The following KLF12 variants were observed in gnomAD, a reference collection of about 807,000 sequenced individuals.
KLF12 encodes the protein KLF transcription factor 12.
A neutral mutation model predicts 37.8 loss-of-function variants in KLF12; 9 were observed. That is an observed-to-expected ratio of 0.24 (90% CI 0.14 to 0.42). The LOEUF (loss-of-function observed/expected upper bound fraction) is 0.42. Ranked by LOEUF, KLF12 falls within the 10% of genes least tolerant of loss-of-function variation. The probability of loss-of-function intolerance (pLI) is 1.00; values close to 1 mark genes in which losing one functional copy is unlikely to be tolerated. For synonymous variants in KLF12, 208 were observed against 202.1 expected, an observed-to-expected ratio of 1.03 and a Z score of -0.25; for missense variants, 411 against 516.0, an observed-to-expected ratio of 0.80 and a Z score of 1.97.
intron 1 of KLF12, among the ~76,000 whole-genome samples, chr13:74,111,915 T>A (rs1467471904): frequency 6.6e-6 from 1 of 152,196 alleles, no homozygotes. Context: ...ATTTCTAAAT[T>A]TGTTCAGTAT....
intron 3 of KLF12, among the ~76,000 whole-genome samples, chr13:73,943,366 T>C (rs1207807460): frequency 4.6e-5 from 7 of 152,236 alleles, no homozygotes; most frequent in African/African-American, 1.7e-4. Flanking sequence ...ATGTTCATTA[T>C]AAAATCTATG....
the KLF12 span, among the ~76,000 whole-genome samples, chr13:74,219,144 C>T: frequency 6.6e-6 from 1 of 151,952 alleles, no homozygotes; most frequent in African/African-American, 2.4e-5. Context: ...TTTGTAGAGA[C>T]AAGGTTTCAC....
the KLF12 span, among the ~76,000 whole-genome samples, chr13:74,178,335 G>T: frequency 5.3e-5 from 8 of 150,136 alleles, no homozygotes; most frequent in Admixed American, 2.0e-4. Context: ...TTGTTTGTTT[G>T]TTTGTTTTGT....
At chr13:73,767,897 C>T (rs2025426) in intron 5 of KLF12, among the ~76,000 whole-genome samples, 74,066 of 151,970 alleles carry the variant, frequency 0.49, 18,869 homozygotes, top group Middle Eastern at 0.6. Flanking sequence ...CATAAACCTA[C>T]CTGAGTGGCA....
At chr13:73,819,197 G>A (rs1883395620) in intron 4 of KLF12, among the ~76,000 whole-genome samples, 1 of 152,100 alleles carries the variant, frequency 6.6e-6, no homozygotes, top group African/African-American at 2.4e-5. Context: ...TCTGACCTTG[G>A]GCAATGATTT....
At chr13:73,918,804 T>C (rs1020069430) in intron 3 of KLF12, among the ~76,000 whole-genome samples, 1 of 152,186 alleles carries the variant, frequency 6.6e-6, no homozygotes. Context: ...CTAACTGCTA[T>C]TGTGAGGTTT....
intron 2 of KLF12, among the ~76,000 whole-genome samples, chr13:73,960,161 T>C (rs1191241312): frequency 6.6e-6 from 1 of 152,128 alleles, no homozygotes; most frequent in Non-Finnish European, 1.5e-5. Context: ...GAGAACTAGA[T>C]GAATAGATTA....
rs1873950848 is a variant in KLF12 at position 73,693,812 on chromosome 13, C to CA, written c.*1677dup. On this transcript the variant is annotated 3_prime_UTR_variant, in exon 8 of 8. Transcript: ENST00000377669. ...ATTCTAGCAACAACAACAATAACAACAAAAAATCTCACCAGCCCCTCAGCC... is the reference window on the plus strand; with the variant it reads ...ATTCTAGCAACAACAACAATAACAACAAAAAAATCTCACCAGCCCCTCAGCC... The CA allele has an allele frequency of 1.3e-5, 2 of 152,578 alleles. No homozygotes were observed. Among genetic ancestry groups the CA allele is most frequent in the East Asian group, 1.9e-4 (1 of 5,180 alleles). 9.5% of individuals were successfully genotyped at this position (152,578 alleles called of 1,614,324 possible).
intron 5 of KLF12, among the ~76,000 whole-genome samples, chr13:73,787,061 T>TAA (rs1357363330): frequency 6.6e-6 from 1 of 152,238 alleles, no homozygotes; most frequent in Non-Finnish European, 1.5e-5. Flanking sequence ...ATGGTATTGT[T>TAA]AGAGTACATG....
At chr13:73,839,786 T>C (rs578229858) in intron 4 of KLF12, among the ~76,000 whole-genome samples, 8 of 152,300 alleles carry the variant, frequency 5.3e-5, no homozygotes, top group Non-Finnish European at 1.0e-4. Context: ...ATTTATTATG[T>C]TGACAAAATT....
chr13:74,111,324 C>G (rs933858340), intron 1 of KLF12, among the ~76,000 whole-genome samples: 1 of 151,994 alleles, frequency 6.6e-6, no homozygotes, highest in Non-Finnish European at 1.5e-5. Flanking sequence ...CATAAGACAA[C>G]TTTTGAAATA....
chr13:73,884,677 T>C (rs982825727), intron 3 of KLF12, among the ~76,000 whole-genome samples: 2 of 152,234 alleles, frequency 1.3e-5, no homozygotes, highest in African/African-American at 2.4e-5. Flanking sequence ...ACTACGCCCA[T>C]GTGGCTACTG....
the KLF12 span, among the ~76,000 whole-genome samples, chr13:74,194,106 G>C: frequency 1.3e-5 from 2 of 152,164 alleles, no homozygotes; most frequent in Admixed American, 1.3e-4. Context: ...TGGGAGAAGG[G>C]AGAACAAGGA....
intron 1 of KLF12, among the ~76,000 whole-genome samples, chr13:74,062,240 C>G (rs1873638456): frequency 6.6e-6 from 1 of 152,168 alleles, no homozygotes; most frequent in Middle Eastern, 3.2e-3. Flanking sequence ...TAAAATCTTG[C>G]TTTTCATCAG....
intron 7 of KLF12, among the ~76,000 whole-genome samples, chr13:73,709,480 C>G (rs568392592): frequency 8.1e-4 from 124 of 152,268 alleles, no homozygotes; most frequent in Middle Eastern, 3.4e-3. Flanking sequence ...TGCAAACCAA[C>G]CTGATTCCCT....
intron 1 of KLF12, among the ~76,000 whole-genome samples, chr13:74,109,775 A>G (rs1484482033): frequency 6.6e-6 from 1 of 152,226 alleles, no homozygotes; most frequent in South Asian, 2.1e-4. Context: ...AAATATAAAG[A>G]GCAAGGGGAA....
chr13:73,976,204 C>A (rs1891518348), intron 2 of KLF12, among the ~76,000 whole-genome samples: 1 of 151,552 alleles, frequency 6.6e-6, no homozygotes, highest in Non-Finnish European at 1.5e-5. Context: ...TTATTTTAAT[C>A]CTCTCTAAAG....
chr13:73,933,764 A>C (rs1293783603), intron 3 of KLF12, among the ~76,000 whole-genome samples: 1 of 152,192 alleles, frequency 6.6e-6, no homozygotes, highest in Non-Finnish European at 1.5e-5. Context: ...CCAGTTTAGT[A>C]ATCCATATTT....
intron 1 of KLF12, among the ~76,000 whole-genome samples, chr13:74,049,552 A>G (rs1247671999): frequency 1.3e-5 from 2 of 152,252 alleles, no homozygotes; most frequent in African/African-American, 4.8e-5. Flanking sequence ...TTCTCAGAAC[A>G]ACAAGAAAAT....
Sources: allele counts gnomAD v4.1 joint callset (sites outside exome capture counted in the v4.1 genomes callset), GRCh38; gene constraint gnomAD v4.1.1; transcripts MANE v1.5; gene names NCBI Gene and HGNC (gene_info 2026-07-23, HGNC 2026-07-21).